ANKFN1: variants seen among roughly 807,000 people sequenced by gnomAD.
ANKFN1 encodes ankyrin repeat and fibronectin type III domain containing 1, also known as ankyrin repeat and fibronectin type-III domain-containing protein 1.
In ANKFN1, 74 loss-of-function variants were observed where a neutral mutation model predicts 108.7. That is an observed-to-expected ratio of 0.68 (90% CI 0.56 to 0.83). ANKFN1 has a LOEUF of 0.83. Ranked by LOEUF, ANKFN1 falls within the 40% of genes least tolerant of loss-of-function variation. The probability of loss-of-function intolerance (pLI) is 0.00; values close to 1 mark genes in which losing one functional copy is unlikely to be tolerated. For synonymous variants in ANKFN1, 547 were observed against 516.2 expected, an observed-to-expected ratio of 1.06 and a Z score of -0.81; for missense variants, 1,505 against 1,382.3, an observed-to-expected ratio of 1.09 and a Z score of -1.41.
At chr17:56,332,418 C>T (rs192482535) in intron 4 of ANKFN1, among the ~76,000 whole-genome samples, 39 of 152,162 alleles carry the variant, frequency 2.6e-4, no homozygotes, top group African/African-American at 9.4e-4. Context: ...ATAGTTTTAG[C>T]TTTTACATTT....
rs577949695 is a variant in ANKFN1 at position 56,278,894 on chromosome 17, A to G, written c.54-47327A>G. Among the ~76,000 whole-genome samples, 19 of 152,376 alleles carry G rather than the reference A, an allele frequency of 1.2e-4. No homozygotes were observed. In the South Asian group the frequency reaches 3.9e-3, roughly 32 times the overall value. On this transcript the variant is annotated intron_variant, in intron 3 of 20. Coordinates refer to ENST00000682825, the MANE Select transcript of ANKFN1 (RefSeq NM_001370326.1). The stretch of plus-strand genomic sequence containing the variant: ...GAAACTACGATATTTATTTTGAAAG[A>G]TGTACAACATGAAGCTTAAAGGTGA...
chr17:56,418,498 G>A (rs1337074101), intron 8 of ANKFN1, among the ~76,000 whole-genome samples: 1 of 152,096 alleles, frequency 6.6e-6, no homozygotes, highest in Non-Finnish European at 1.5e-5. Context: ...TAGAAGTTTT[G>A]CTTAAGATGG....
At chr17:56,480,065 A>T (rs1289458069) in intron 16 of ANKFN1, among the ~76,000 whole-genome samples, 1 of 152,248 alleles carries the variant, frequency 6.6e-6, no homozygotes, top group Non-Finnish European at 1.5e-5. Context: ...TAGAGCATGC[A>T]GAATAAAGAC....
chr17:56,242,544 A>G (rs1917664529), intron 3 of ANKFN1, among the ~76,000 whole-genome samples: 1 of 152,094 alleles, frequency 6.6e-6, no homozygotes, highest in Non-Finnish European at 1.5e-5. Flanking sequence ...CAGCAACACT[A>G]CTAATCTCTC....
intron 7 of ANKFN1, among the ~76,000 whole-genome samples, chr17:56,373,267 A>G (rs2046859413): frequency 6.6e-6 from 1 of 152,210 alleles, no homozygotes; most frequent in South Asian, 2.1e-4. Context: ...ATTTTTTTAT[A>G]TAGAGCTATA....
chr17:56,378,378 G>A (rs1255648662), intron 8 of ANKFN1, among the ~76,000 whole-genome samples: 1 of 152,108 alleles, frequency 6.6e-6, no homozygotes, highest in Non-Finnish European at 1.5e-5. Flanking sequence ...CAAGAATGGA[G>A]AAAACCCTGA....
intron 11 of ANKFN1, among the ~76,000 whole-genome samples, chr17:56,455,302 T>C (rs2049647023): frequency 6.6e-6 from 1 of 152,226 alleles, no homozygotes; most frequent in Non-Finnish European, 1.5e-5. Flanking sequence ...GTAATGAATA[T>C]GTTCACTCTT....
In ANKFN1 at chr17:56,512,135, CCTTTA is replaced by C. The variant is rs2051794394; in HGVS notation, c.*868_*872del. Among the ~76,000 whole-genome samples the C allele has an allele frequency of 1.3e-5, 2 of 152,154 alleles. No homozygotes were observed. The highest frequency in any genetic ancestry group is 2.9e-5 in the Non-Finnish European group (2 of 68,014). ...GAGAGACATGGGCAGAAATATATTT[CCTTTA>C]CAATTCTAAGTTAAGCAAAGTAAGT... On this transcript the variant is annotated 3_prime_UTR_variant, in exon 21 of 21. Coordinates refer to ENST00000682825, the MANE Select transcript of ANKFN1 (RefSeq NM_001370326.1).
At position 56,423,509 on chromosome 17, in the gene ANKFN1, T is replaced by C. The variant is rs117708101; in HGVS notation, c.911-16818T>C. Among the ~76,000 whole-genome samples the C allele has an allele frequency of 2.9e-4, 44 of 152,312 alleles. No homozygotes were observed. In the East Asian group the frequency reaches 7.7e-3, roughly 27 times the overall value. ...TCCCTTGCTCATAAACCTTCAGCATTGCGTACAAGGCCTTCCGCATATCAA... is the reference window on the plus strand; with the variant it reads ...TCCCTTGCTCATAAACCTTCAGCATCGCGTACAAGGCCTTCCGCATATCAA... On this transcript the variant is annotated intron_variant, in intron 8 of 20. Transcript: ENST00000682825.
At chr17:56,348,360 T>G (rs1019013379) in intron 4 of ANKFN1, among the ~76,000 whole-genome samples, 1 of 152,084 alleles carries the variant, frequency 6.6e-6, no homozygotes, top group Non-Finnish European at 1.5e-5. Context: ...TAAGATTGAC[T>G]AAGTAGGACC....
At chr17:56,200,804 C>T (rs537339399) in intron 1 of ANKFN1, among the ~76,000 whole-genome samples, 8 of 152,262 alleles carry the variant, frequency 5.3e-5, no homozygotes, top group Admixed American at 5.2e-4. Flanking sequence ...ACTCTTGATT[C>T]CTCTTTGATG....
chr17:56,312,684 C>T (rs78195018), intron 3 of ANKFN1, among the ~76,000 whole-genome samples: 17 of 152,244 alleles, frequency 1.1e-4, no homozygotes, highest in African/African-American at 3.9e-4. Flanking sequence ...CTGATTTTGT[C>T]GTTCATCACA....
chr17:56,101,860 T>C (rs1026466326), intron 4 of ANKFN1, among the ~76,000 whole-genome samples: 1 of 152,210 alleles, frequency 6.6e-6, no homozygotes, highest in African/African-American at 2.4e-5. Flanking sequence ...CTCATCCTAC[T>C]ACCTAATGAA....
intron 2 of ANKFN1, among the ~76,000 whole-genome samples, chr17:56,226,442 G>A (rs8068120): frequency 0.041 from 6,317 of 152,220 alleles, 203 homozygotes; most frequent in East Asian, 0.11. Context: ...GATAGTAAAT[G>A]AGGAATTAGG....
intron 3 of ANKFN1, among the ~76,000 whole-genome samples, chr17:56,289,932 GA>G (rs1001824669): frequency 4.6e-5 from 7 of 151,686 alleles, no homozygotes; most frequent in Non-Finnish European, 7.4e-5. Context: ...CAAGCCCTGT[GA>G]AAAAAAAGCA....
intron 20 of ANKFN1, among the ~76,000 whole-genome samples, chr17:56,507,209 A>G (rs963065056): frequency 6.6e-6 from 1 of 152,156 alleles, no homozygotes; most frequent in African/African-American, 2.4e-5. Flanking sequence ...AACAATCAAC[A>G]ATTTTGAAAT....
intron 14 of ANKFN1, among the ~76,000 whole-genome samples, chr17:56,462,719 C>T (rs1184761312): frequency 6.6e-6 from 1 of 152,150 alleles, no homozygotes; most frequent in Non-Finnish European, 1.5e-5. Flanking sequence ...TTTAACTCTC[C>T]TCTCCTTTCC....
At chr17:56,313,464 G>A (rs2045104373) in intron 3 of ANKFN1, among the ~76,000 whole-genome samples, 1 of 152,168 alleles carries the variant, frequency 6.6e-6, no homozygotes, top group African/African-American at 2.4e-5. Flanking sequence ...GGAAGGAACA[G>A]GTTCTTTTTC....
intron 1 of ANKFN1, among the ~76,000 whole-genome samples, chr17:56,194,044 C>A (rs2143712152): frequency 6.6e-6 from 1 of 152,302 alleles, no homozygotes; most frequent in African/African-American, 2.4e-5. Flanking sequence ...TCTTTTGTCA[C>A]TAGGGAACGA....
Sources: gnomAD v4.1 joint callset for allele counts (sites outside exome capture counted in the v4.1 genomes callset) on GRCh38, gnomAD v4.1.1 for gene constraint, MANE v1.5 for transcripts, NCBI Gene and HGNC (gene_info 2026-07-23, HGNC 2026-07-21) for gene names.